Variants in ALG14 observed in about 807,000 individuals in gnomAD.
ALG14 encodes ALG14 UDP-N-acetylglucosaminyltransferase subunit, also known as UDP-N-acetylglucosamine transferase subunit ALG14.
Under a neutral mutation model 22.8 loss-of-function variants are expected in ALG14, and 17 were observed. That is an observed-to-expected ratio of 0.75 (90% confidence interval 0.51 to 1.12). The LOEUF (loss-of-function observed/expected upper bound fraction) is 1.12. ALG14 is among the 50% of genes most tolerant of loss of function. ALG14 has a pLI of 0.00. For synonymous variants in ALG14, 89 were observed against 103.7 expected (o/e 0.86, Z 0.86); for missense variants, 288 against 271.8 (o/e 1.06, Z -0.42).
chr1:95,071,653 T>TTATC (rs1336351319), intron 1 of ALG14, among the ~76,000 whole-genome samples: 2 of 152,208 alleles, frequency 1.3e-5, no homozygotes, highest in Non-Finnish European at 1.5e-5. Flanking sequence ...ATTCCAAGTG[T>TTATC]TATCACCTTC....
At position 94,995,140 on chromosome 1, in the gene ALG14, T is replaced by C. The variant is rs187107689; in HGVS notation, c.421-11834A>G. Among the ~76,000 whole-genome samples, 140 of 152,308 alleles carry C rather than the reference T, an allele frequency of 9.2e-4. 1 individual carries two copies. Among genetic ancestry groups the C allele is most frequent in the African/African-American group, 3.2e-3 (135 of 41,562 alleles). ...AACTGAAAACTGGTCAACAGTGTTC[T>C]TTATTTTATGTGCAGACTATTTTTG... On this transcript the variant is annotated intron_variant, in intron 3 of 3. Coordinates refer to ENST00000370205, the MANE Select transcript of ALG14 (RefSeq NM_144988.4).
chr1:95,029,040 T>G (rs2100774940), intron 2 of ALG14, among the ~76,000 whole-genome samples: 1 of 152,356 alleles, frequency 6.6e-6, no homozygotes, highest in South Asian at 2.1e-4. Flanking sequence ...TTTACCAGCT[T>G]AAAACAATAA....
intron 1 of ALG14, among the ~76,000 whole-genome samples, chr1:95,072,314 G>A (rs1329519533): frequency 2.0e-5 from 3 of 152,138 alleles, no homozygotes; most frequent in Non-Finnish European, 4.4e-5. Context: ...TCTACAGCCC[G>A]TAGATCATTG....
intron 3 of ALG14, among the ~76,000 whole-genome samples, chr1:95,019,655 T>A (rs1045883520): frequency 6.6e-6 from 1 of 152,076 alleles, no homozygotes; most frequent in Non-Finnish European, 1.5e-5. Context: ...CTGGTATGAG[T>A]GGAATTTCAA....
intron 3 of ALG14, among the ~76,000 whole-genome samples, chr1:95,007,967 T>A (rs947351247): frequency 7.2e-5 from 11 of 152,320 alleles, no homozygotes; most frequent in Non-Finnish European, 1.6e-4. Context: ...TCCCTCACCC[T>A]TAGAATAGTG....
At chr1:95,046,733 C>A (rs545237356) in intron 2 of ALG14, among the ~76,000 whole-genome samples, 1 of 152,206 alleles carries the variant, frequency 6.6e-6, no homozygotes, top group African/African-American at 2.4e-5. Context: ...TAAAATAATA[C>A]TACAGCATTT....
In ALG14 at chr1:94,974,591, A is replaced by AT. The variant is rs1672359884; in HGVS notation, c.*8484dup. On this transcript the variant is annotated 3_prime_UTR_variant, in exon 4 of 4. Coordinates refer to ENST00000370205, the MANE Select transcript of ALG14 (RefSeq NM_144988.4). ...CAAGGAGAAAGGAGGAAAAAAAATC[A>AT]TTTTCCTATCCATGGTGTAGAAATA... is the stretch of plus-strand genomic sequence containing the variant. 1 of 152,152 alleles carries AT rather than the reference A, an allele frequency of 6.6e-6. No homozygotes were observed. 9.4% of individuals were successfully genotyped at this position (152,152 alleles called of 1,614,324 possible).
rs1337954572 is a variant in ALG14 at position 94,979,756 on chromosome 1, G to A, written c.*3320C>T. 1 of 152,200 alleles carries A rather than the reference G, an allele frequency of 6.6e-6. No homozygotes were observed. The highest frequency in any genetic ancestry group is 1.5e-5 in the Non-Finnish European group (1 of 68,046). 9.4% of individuals were successfully genotyped at this position (152,200 alleles called of 1,614,324 possible). On this transcript the variant is annotated 3_prime_UTR_variant, in exon 4 of 4. Transcript: ENST00000370205. Reference sequence around the variant, plus strand: ...TTAGTTAACTACTCCAGTGCGAAAAGGAGGAGCTATGTCAAATTCATGTTT... The same window carrying A: ...TTAGTTAACTACTCCAGTGCGAAAAAGAGGAGCTATGTCAAATTCATGTTT...
At chr1:95,047,122 G>C (rs1434427078) in intron 2 of ALG14, among the ~76,000 whole-genome samples, 1 of 152,076 alleles carries the variant, frequency 6.6e-6, no homozygotes, top group African/African-American at 2.4e-5. Flanking sequence ...TATAGGATGT[G>C]ATTTATAAAC....
chr1:95,026,504 ATG>A (rs1472605196), intron 3 of ALG14, among the ~76,000 whole-genome samples: 97 of 108,924 alleles, frequency 8.9e-4, no homozygotes, highest in South Asian at 6.6e-3. Flanking sequence ...GTGTGTGTGT[ATG>A]TGTGTGTGAG....
chr1:95,055,391 G>A (rs1674890673), intron 2 of ALG14, among the ~76,000 whole-genome samples: 1 of 151,810 alleles, frequency 6.6e-6, no homozygotes, highest in East Asian at 1.9e-4. Flanking sequence ...CACCAACACG[G>A]AAAATGTCAC....
chr1:95,062,996 G>A (rs879753075), intron 2 of ALG14, among the ~76,000 whole-genome samples: 11 of 152,134 alleles, frequency 7.2e-5, no homozygotes, highest in Non-Finnish European at 1.5e-4. Flanking sequence ...GCCATTCTGA[G>A]TGGTGTGAGA....
chr1:94,981,673 A>AT lies in ALG14; in HGVS notation c.*1402dup, dbSNP rs1164627720. 1.4e-5 allele frequency: 2 copies of AT among 140,582 alleles called. No individual in the cohort carries two copies. The highest frequency in any genetic ancestry group is 2.6e-5 in the African/African-American group (1 of 39,078). The allele number at this position is 140,582 out of a possible 1,614,324, so 8.7% of individuals were successfully genotyped here. Reference sequence around the variant, plus strand: ...GAGAATCTTCTCTTTTCTGTTTTTTATTTTGTTTTGTTTTTTTTTTTTTTG... The same window carrying AT: ...GAGAATCTTCTCTTTTCTGTTTTTTATTTTTGTTTTGTTTTTTTTTTTTTTG... On this transcript the variant is annotated 3_prime_UTR_variant, in exon 4 of 4. Coordinates refer to ENST00000370205, the MANE Select transcript of ALG14 (RefSeq NM_144988.4).
chr1:94,983,071 AT>A lies in ALG14; in HGVS notation c.*4del, dbSNP rs1557936282. On this transcript the variant is annotated 3_prime_UTR_variant, in exon 4 of 4. Transcript: ENST00000370205. ...CAAAATTCTAAAGAAGTCAGTTGCC[AT>A]TTGTCAAACAATTCGCCCAAGGTAC... is the stretch of plus-strand genomic sequence containing the variant. 2 of 1,613,550 alleles carry A rather than the reference AT, an allele frequency of 1.2e-6. No homozygotes were observed. The highest frequency in any genetic ancestry group is 3.3e-5 in the Admixed American group (2 of 59,992).
At chr1:95,009,284 A>G (rs749156956) in intron 3 of ALG14, among the ~76,000 whole-genome samples, 3 of 151,518 alleles carry the variant, frequency 2.0e-5, no homozygotes, top group Non-Finnish European at 4.4e-5. Flanking sequence ...GGTTTTTTAA[A>G]ATGACTTACA....
At chr1:95,007,964 C>A (rs1460394388) in intron 3 of ALG14, among the ~76,000 whole-genome samples, 1 of 152,124 alleles carries the variant, frequency 6.6e-6, no homozygotes, top group Non-Finnish European at 1.5e-5. Context: ...GTATCCCTCA[C>A]CCTTAGAATA....
At chr1:95,012,729 C>A (rs1481877255) in intron 3 of ALG14, among the ~76,000 whole-genome samples, 2 of 152,198 alleles carry the variant, frequency 1.3e-5, no homozygotes, top group African/African-American at 4.8e-5. Flanking sequence ...ATCAGTGAAT[C>A]AGAGACTCTT....
rs1356906571 is a variant in ALG14, at chr1:94,975,343, A to G, written c.*7733T>C. On this transcript the variant is annotated 3_prime_UTR_variant, in exon 4 of 4. Coordinates refer to ENST00000370205, the MANE Select transcript of ALG14 (RefSeq NM_144988.4). ...TATTAGTACTTCATTCCTTTGTGTG[A>G]TCGAGTAATATTCCACTATATGGAT... 6.6e-6 allele frequency: 1 copy of G among 152,246 alleles called. No homozygotes were observed. The highest frequency in any genetic ancestry group is 1.5e-5 in the Non-Finnish European group (1 of 68,052). The allele number at this position is 152,246 out of a possible 1,614,324, so 9.4% of individuals were successfully genotyped here.
intron 3 of ALG14, among the ~76,000 whole-genome samples, chr1:94,988,017 C>CCCTG: frequency 6.6e-6 from 1 of 152,264 alleles, no homozygotes; most frequent in South Asian, 2.1e-4. Context: ...AACACAGCTG[C>CCCTG]AGGGAAAGCT....
Sources: allele counts gnomAD v4.1 joint callset (sites outside exome capture counted in the v4.1 genomes callset), GRCh38; gene constraint gnomAD v4.1.1; transcripts MANE v1.5; gene names NCBI Gene and HGNC (gene_info 2026-07-23, HGNC 2026-07-21).